Variants in SASH1 observed in about 807,000 individuals in gnomAD.
SASH1 encodes SAM and SH3 domain containing 1, also known as SAM and SH3 domain-containing protein 1.
A neutral mutation model predicts 125.2 loss-of-function variants in SASH1; 44 were observed. The ratio of observed to expected loss-of-function variants is 0.35; its 90% confidence interval spans 0.28 to 0.45. The LOEUF is 0.45. SASH1 is among the 20% of genes least tolerant of loss of function. The pLI is 1.00. For synonymous variants in SASH1, 639 were observed against 649.1 expected, an observed-to-expected ratio of 0.98 and a Z score of 0.24; for missense variants, 1,426 against 1,614.5, an observed-to-expected ratio of 0.88 and a Z score of 2.00.
intron 1 of SASH1, among the ~76,000 whole-genome samples, chr6:148,326,881 C>T (rs1780844828): frequency 6.6e-6 from 1 of 152,156 alleles, no homozygotes; most frequent in African/African-American, 2.4e-5. Context: ...TGGGGCCATA[C>T]TCATTACTGC....
chr6:148,512,627 A>G (rs1780210926), intron 8 of SASH1: 2 of 982,938 alleles, frequency 2.0e-6, no homozygotes. Flanking sequence ...TTATTATTCT[A>G]ATTTTTTATA....
intron 2 of SASH1, among the ~76,000 whole-genome samples, chr6:148,424,712 A>C (rs1388590144): frequency 1.3e-5 from 2 of 152,154 alleles, no homozygotes; most frequent in African/African-American, 4.8e-5. Context: ...CATCCCTTTT[A>C]GAGCACTGAA....
At chr6:148,468,410 A>G (rs1449156140) in intron 4 of SASH1, 135 bp from the exon 5 acceptor site, 1 of 629,558 alleles carries the variant, frequency 1.6e-6, no homozygotes, top group Non-Finnish European at 2.8e-6. Context: ...AGAAAAAGCC[A>G]GTGGTAAATA....
chr6:148,348,100 G>A (rs1052282063), intron 1 of SASH1, among the ~76,000 whole-genome samples: 2 of 152,052 alleles, frequency 1.3e-5, no homozygotes, highest in African/African-American at 4.8e-5. Context: ...TCTGCCTCCC[G>A]AGTTCAAGCG....
chr6:148,440,689 T>C (rs1390454595), intron 4 of SASH1: 30 of 415,958 alleles, frequency 7.2e-5, no homozygotes, highest in Non-Finnish European at 4.3e-6. Context: ...AAAGGATAGG[T>C]GCATTAACCA....
intron 8 of SASH1, 68 bp from the exon 9 acceptor site, chr6:148,514,256 A>G (rs1583283411): frequency 6.5e-7 from 1 of 1,547,648 alleles, no homozygotes; most frequent in South Asian, 1.2e-5. Flanking sequence ...AAGGCCGGCT[A>G]CATCCAGCCA....
intron 2 of SASH1, among the ~76,000 whole-genome samples, chr6:148,399,348 C>G (rs1784084258): frequency 6.7e-6 from 1 of 148,924 alleles, no homozygotes; most frequent in Non-Finnish European, 1.5e-5. Context: ...CTCTCAAGTT[C>G]TCAAGTAGTT....
intron 1 of SASH1, among the ~76,000 whole-genome samples, chr6:148,294,448 C>G (rs1157654579): frequency 6.6e-6 from 1 of 152,154 alleles, no homozygotes; most frequent in Non-Finnish European, 1.5e-5. Context: ...TCCTTCCTCA[C>G]CAGAATGAAG....
At chr6:148,421,137 G>GAAA (rs1785048430) in intron 2 of SASH1, among the ~76,000 whole-genome samples, 1 of 57,594 alleles carries the variant, frequency 1.7e-5, no homozygotes, top group Non-Finnish European at 3.8e-5. Context: ...AAGGAAGGAA[G>GAAA]GAAGGAAGGA....
intron 2 of SASH1, among the ~76,000 whole-genome samples, chr6:148,418,555 A>C (rs567420886): frequency 6.6e-6 from 1 of 152,324 alleles, no homozygotes; most frequent in East Asian, 1.9e-4. Flanking sequence ...ATAGTAAGGC[A>C]CTGGGCTTTA....
At chr6:148,322,512 A>G (rs145471997) in intron 1 of SASH1, among the ~76,000 whole-genome samples, 1 of 152,244 alleles carries the variant, frequency 6.6e-6, no homozygotes, top group East Asian at 1.9e-4. Context: ...TCTCCCAGTC[A>G]TCCTTCAGTC....
rs77078462 is a variant in SASH1, at chr6:148,464,984, G to A, written c.387-3561G>A. 7.3e-3 allele frequency among the ~76,000 whole-genome samples: 1,111 copies of A among 152,196 alleles called. 12 individuals are homozygous for A. Among genetic ancestry groups the A allele is most frequent in the African/African-American group, 0.025 (1,031 of 41,514 alleles). On this transcript the variant is annotated intron_variant, in intron 4 of 19. Coordinates refer to ENST00000367467, the MANE Select transcript of SASH1 (RefSeq NM_015278.5). ...GCAATGCCTGGGCCAAGTCCAAACC[G>A]GAGGATAAAATTATTCAAAGTGTGT...
chr6:148,348,519 T>G (rs1370767396), intron 1 of SASH1, among the ~76,000 whole-genome samples: 3 of 152,186 alleles, frequency 2.0e-5, no homozygotes, highest in African/African-American at 7.2e-5. Flanking sequence ...TGAGAGGCAG[T>G]GCTCCTGTGT....
intron 1 of SASH1, among the ~76,000 whole-genome samples, chr6:148,363,729 G>A (rs991967752): frequency 6.6e-6 from 1 of 151,858 alleles, no homozygotes; most frequent in Non-Finnish European, 1.5e-5. Context: ...CTCTGCTTCA[G>A]ACCCCTCCTG....
the SASH1 span, among the ~76,000 whole-genome samples, chr6:148,241,094 GAA>G: frequency 6.6e-6 from 1 of 151,782 alleles, no homozygotes; most frequent in Non-Finnish European, 1.5e-5. Flanking sequence ...CCATCAAGGG[GAA>G]AAAAAATATC....
At chr6:148,528,557 A>C (rs923854760) in intron 12 of SASH1, among the ~76,000 whole-genome samples, 1 of 152,214 alleles carries the variant, frequency 6.6e-6, no homozygotes, top group Non-Finnish European at 1.5e-5. Context: ...CAAAGCCTGC[A>C]CAGCAGCTTC....
chr6:148,377,562 C>A (rs1466415723), intron 1 of SASH1, among the ~76,000 whole-genome samples: 1 of 152,154 alleles, frequency 6.6e-6, no homozygotes, highest in Admixed American at 6.6e-5. Flanking sequence ...ATCAATAATT[C>A]CTGTACTCTG....
chr6:148,395,096 G>T (rs995771262), intron 2 of SASH1, among the ~76,000 whole-genome samples: 3 of 152,330 alleles, frequency 2.0e-5, no homozygotes, highest in South Asian at 2.1e-4. Flanking sequence ...TAGATTTGTT[G>T]TATCTGCTCT....
intron 8 of SASH1, among the ~76,000 whole-genome samples, chr6:148,506,788 C>T (rs1779825879): frequency 6.6e-6 from 1 of 152,142 alleles, no homozygotes; most frequent in African/African-American, 2.4e-5. Context: ...AATGTCTACA[C>T]TCAGTTTTAA....
Sources: gnomAD v4.1 joint callset for allele counts (sites outside exome capture counted in the v4.1 genomes callset) on GRCh38, gnomAD v4.1.1 for gene constraint, MANE v1.5 for transcripts, NCBI Gene and HGNC (gene_info 2026-07-23, HGNC 2026-07-21) for gene names.